Variants in RPS6KA6 observed in about 807,000 individuals in gnomAD.
RPS6KA6 encodes the protein ribosomal protein S6 kinase alpha-6.
In RPS6KA6, 27 loss-of-function variants were observed where a neutral mutation model predicts 65.4. The ratio of observed to expected loss-of-function variants is 0.41; its 90% CI spans 0.30 to 0.57. The LOEUF (loss-of-function observed/expected upper bound fraction) is 0.57. RPS6KA6 is among the 20% of genes least tolerant of loss of function. RPS6KA6 has a pLI of 0.24. For synonymous variants in RPS6KA6, 190 were observed against 184.2 expected (o/e 1.03, Z -0.26); for missense variants, 486 against 555.6 (o/e 0.87, Z 1.26).
chrX:84,066,998 C>A (rs1259499511), intron 20 of RPS6KA6, among the ~76,000 whole-genome samples: 1 of 111,629 alleles, frequency 9.0e-6, no homozygotes, highest in Non-Finnish European at 1.9e-5. Context: ...TGGAGTGGAC[C>A]TCCAGAAAGC....
intron 2 of RPS6KA6, among the ~76,000 whole-genome samples, chrX:84,163,849 T>G (rs1191638720): frequency 9.0e-6 from 1 of 111,416 alleles, no homozygotes; most frequent in African/African-American, 3.3e-5. Context: ...CTAAGCAGTC[T>G]TTAAAACTAG....
chrX:84,170,514 C>G (rs1455472660), intron 1 of RPS6KA6, among the ~76,000 whole-genome samples: 9 of 110,494 alleles, frequency 8.1e-5, no homozygotes, highest in Non-Finnish European at 1.7e-4. Context: ...CTTGTAATCC[C>G]AGCTACTGGG....
chrX:84,132,408 C>A (rs981729100), intron 8 of RPS6KA6, among the ~76,000 whole-genome samples: 1 of 110,179 alleles, frequency 9.1e-6, no homozygotes, highest in Non-Finnish European at 1.9e-5. Context: ...TGTGATCCTG[C>A]CACTGCCCTC....
At chrX:84,109,497 C>T (rs2034427883) in intron 12 of RPS6KA6, among the ~76,000 whole-genome samples, 1 of 111,226 alleles carries the variant, frequency 9.0e-6, no homozygotes, top group Non-Finnish European at 1.9e-5. Context: ...CCATAGGGAC[C>T]CAATCACCTG....
intron 20 of RPS6KA6, among the ~76,000 whole-genome samples, chrX:84,076,273 A>T (rs779312154): frequency 8.9e-6 from 1 of 111,987 alleles, no homozygotes; most frequent in South Asian, 3.7e-4. Flanking sequence ...AACTTTTTTC[A>T]GAAATTTGAA....
rs145891245 is a variant in RPS6KA6, at chrX:84,098,327, A to G, written c.1777-479T>C. On this transcript the variant is annotated intron_variant, in intron 18 of 21. Coordinates refer to ENST00000262752, the MANE Select transcript of RPS6KA6 (RefSeq NM_014496.5). ...ATATAATCTCACAAAAGCAGAATGA[A>G]TTTATATTTTACCATACAAGGTCAA... Among the ~76,000 whole-genome samples, 151 of 111,506 alleles carry G rather than the reference A, an allele frequency of 1.4e-3. 1 individual carries two copies. In the East Asian group the frequency reaches 0.033, roughly 24 times the overall value.
chrX:84,119,128 G>A (rs908019811), intron 9 of RPS6KA6, among the ~76,000 whole-genome samples: 1 of 111,414 alleles, frequency 9.0e-6, no homozygotes, highest in Non-Finnish European at 1.9e-5. Context: ...AACTCCTAAG[G>A]TACTTCTTGA....
chrX:84,078,007 G>A (rs938608373), intron 20 of RPS6KA6, among the ~76,000 whole-genome samples: 4 of 111,911 alleles, frequency 3.6e-5, no homozygotes, highest in Non-Finnish European at 5.6e-5. Flanking sequence ...CATGATATAC[G>A]AAAGAAAAAG....
intron 6 of RPS6KA6, among the ~76,000 whole-genome samples, chrX:84,141,110 T>C (rs1458713566): frequency 2.7e-5 from 3 of 111,436 alleles, no homozygotes; most frequent in Admixed American, 9.6e-5. Context: ...TAAAGGTATC[T>C]AGCATGTAAG....
chrX:84,127,651 G>A (rs934259289), intron 8 of RPS6KA6, among the ~76,000 whole-genome samples: 5 of 110,851 alleles, frequency 4.5e-5, no homozygotes, highest in African/African-American at 1.6e-4. Flanking sequence ...GGTATGCAAG[G>A]ATGGTTCACC....
At chrX:84,064,502 A>G in intron 21 of RPS6KA6, 100 bp from the exon 22 acceptor site, 1 of 772,659 alleles carries the variant, frequency 1.3e-6, no homozygotes, top group Non-Finnish European at 1.8e-6. Context: ...CTAGAACAAA[A>G]TGTTTTCCTA....
chrX:84,168,588 A>T (rs899748327), intron 1 of RPS6KA6, among the ~76,000 whole-genome samples: 9 of 111,826 alleles, frequency 8.0e-5, no homozygotes, highest in African/African-American at 2.3e-4. Context: ...CAATATTAAG[A>T]CAGAATCGTG....
intron 8 of RPS6KA6, among the ~76,000 whole-genome samples, chrX:84,126,367 G>C (rs2034784310): frequency 9.0e-6 from 1 of 111,495 alleles, no homozygotes; most frequent in Admixed American, 9.5e-5. Context: ...TAGAGATAAA[G>C]AGGGATATAG....
intron 20 of RPS6KA6, among the ~76,000 whole-genome samples, chrX:84,065,560 T>C (rs1040009046): frequency 8.9e-6 from 1 of 111,849 alleles, no homozygotes; most frequent in African/African-American, 3.3e-5. Flanking sequence ...CTATATAACA[T>C]ATTAAGAAAG....
chrX:84,174,445 T>C (rs1485913371), intron 1 of RPS6KA6, among the ~76,000 whole-genome samples: 1 of 111,558 alleles, frequency 9.0e-6, no homozygotes, highest in Non-Finnish European at 1.9e-5. Flanking sequence ...TGTCTTTTTT[T>C]TAAAAGAGTC....
At chrX:84,130,302 C>A (rs1427774399) in intron 8 of RPS6KA6, among the ~76,000 whole-genome samples, 4 of 111,102 alleles carry the variant, frequency 3.6e-5, no homozygotes, top group Non-Finnish European at 5.7e-5. Flanking sequence ...CAAAATAAAA[C>A]CATGATAATT....
intron 2 of RPS6KA6, among the ~76,000 whole-genome samples, chrX:84,157,561 T>A (rs1189153684): frequency 9.0e-6 from 1 of 111,028 alleles, no homozygotes; most frequent in African/African-American, 3.3e-5. Flanking sequence ...TGTATGCACC[T>A]ATAAGCTAAG....
At position 84,062,303 on chromosome X, in the gene RPS6KA6, T is replaced by G. The variant is rs2147309730; in HGVS notation, c.*1974A>C. The G allele has an allele frequency of 9.0e-6, 1 of 111,665 alleles. No homozygotes were observed. The highest frequency in any genetic ancestry group is 3.2e-5 in the African/African-American group (1 of 30,825). The allele number at this position is 111,665 out of a possible 1,213,427, so 9.2% of individuals were successfully genotyped here. On this transcript the variant is annotated 3_prime_UTR_variant, in exon 22 of 22. Transcript: ENST00000262752. ...TTTTCTGATTTCACTTCCCCTAATT[T>G]TATTACTTAAAATGCATCCATGGAA...
At chrX:84,160,058 A>G (rs932975042) in intron 2 of RPS6KA6, among the ~76,000 whole-genome samples, 10 of 111,444 alleles carry the variant, frequency 9.0e-5, no homozygotes, top group Non-Finnish European at 1.3e-4. Flanking sequence ...CAAACTACAC[A>G]TGGTACATAA....
Sources: allele counts gnomAD v4.1 joint callset (sites outside exome capture counted in the v4.1 genomes callset), GRCh38; gene constraint gnomAD v4.1.1; transcripts MANE v1.5; gene names NCBI Gene and HGNC (gene_info 2026-07-23, HGNC 2026-07-21).